Variants in DHX57 observed in about 807,000 individuals in gnomAD.
DHX57 encodes the protein DExH-box helicase 57.
A neutral mutation model predicts 156.2 loss-of-function variants in DHX57; 105 were observed. The ratio of observed to expected loss-of-function variants is 0.67; its 90% CI spans 0.57 to 0.79. The LOEUF (loss-of-function observed/expected upper bound fraction) is 0.79. Among genes scored for constraint, DHX57 ranks in the 30% least tolerant of loss-of-function variants. The pLI is 0.00. For synonymous variants in DHX57, 704 were observed against 595.6 expected (o/e 1.18, Z -2.65); for missense variants, 1,847 against 1,661.9 (o/e 1.11, Z -1.94).
intron 5 of DHX57, among the ~76,000 whole-genome samples, chr2:38,859,587 A>G (rs1276135340): frequency 6.6e-6 from 1 of 152,320 alleles, no homozygotes; most frequent in Admixed American, 6.5e-5. Flanking sequence ...AGTGCATGAC[A>G]CATAATTTTC....
intron 9 of DHX57, among the ~76,000 whole-genome samples, chr2:38,850,967 C>T (rs1327943577): frequency 6.6e-6 from 1 of 151,964 alleles, no homozygotes; most frequent in African/African-American, 2.4e-5. Flanking sequence ...GTTGCGGCTA[C>T]TTGGGAGGCC....
chr2:38,833,887 T>C (rs940701081), intron 13 of DHX57, among the ~76,000 whole-genome samples: 58 of 152,206 alleles, frequency 3.8e-4, no homozygotes, highest in African/African-American at 1.3e-3. Context: ...AAGACATATA[T>C]AGATACTAGC....
At chr2:38,854,954 A>G (rs768784993) in intron 8 of DHX57, 103 bp downstream of exon 8, 1 of 1,037,982 alleles carries the variant, frequency 9.6e-7, no homozygotes, top group Admixed American at 1.9e-5. Context: ...AATAACCTGA[A>G]AGTATATATC....
chr2:38,851,761 G>C (rs546748357), intron 9 of DHX57, among the ~76,000 whole-genome samples: 8 of 152,218 alleles, frequency 5.3e-5, no homozygotes, highest in Non-Finnish European at 1.0e-4. Flanking sequence ...ACTGGATATA[G>C]GTTTCCCTAA....
rs766741871 is a variant in DHX57, at chr2:38,848,404, T to C, written c.2031-2A>G. On this transcript the variant is annotated splice_acceptor_variant, in intron 9 of 23. Coordinates refer to ENST00000457308, the MANE Select transcript of DHX57 (RefSeq NM_198963.3). LOFTEE classifies it high-confidence loss of function. Reference sequence around the variant, plus strand: ...TTCAAAACTAGCAGCAAGAAGTCACTAGAGAAAATAAAAGAAACACCTGAG... The same window carrying C: ...TTCAAAACTAGCAGCAAGAAGTCACCAGAGAAAATAAAAGAAACACCTGAG... 7 of 1,583,922 alleles carry C rather than the reference T, an allele frequency of 4.4e-6. No homozygotes were observed. The highest frequency in any genetic ancestry group is 1.9e-5 in the Admixed American group (1 of 51,684).
intron 11 of DHX57, among the ~76,000 whole-genome samples, chr2:38,843,675 T>G (rs760326974): frequency 2.6e-5 from 4 of 152,186 alleles, no homozygotes; most frequent in Non-Finnish European, 5.9e-5. Flanking sequence ...TACAACTGGA[T>G]AGTTTAATAT....
intron 21 of DHX57, chr2:38,810,286 G>C (rs1311931004): frequency 3.8e-6 from 1 of 263,084 alleles, no homozygotes; most frequent in African/African-American, 2.3e-5. Flanking sequence ...ATTTCAGGGG[G>C]ACCAGGGAAC....
At chr2:38,839,010 C>A (rs902943820) in intron 12 of DHX57, among the ~76,000 whole-genome samples, 8 of 151,918 alleles carry the variant, frequency 5.3e-5, no homozygotes, top group African/African-American at 1.9e-4. Context: ...CGGCTCACTG[C>A]AACCTCCACC....
intron 3 of DHX57, 36 bp downstream of exon 3, chr2:38,863,325 C>A (rs1412576101): frequency 2.5e-6 from 4 of 1,590,144 alleles, no homozygotes; most frequent in Non-Finnish European, 3.4e-6. Context: ...GTATGTTTTC[C>A]TTAATATAAT....
intron 2 of DHX57, among the ~76,000 whole-genome samples, chr2:38,866,636 A>G (rs993497353): frequency 6.6e-6 from 1 of 152,152 alleles, no homozygotes; most frequent in African/African-American, 2.4e-5. Flanking sequence ...CTGCAATTCC[A>G]AGTCCCTAAA....
chr2:38,860,190 C>G (rs1307326554), intron 5 of DHX57, among the ~76,000 whole-genome samples: 1 of 152,114 alleles, frequency 6.6e-6, no homozygotes, highest in Non-Finnish European at 1.5e-5. Context: ...TGGCTCACGC[C>G]TGTAATCCCA....
chr2:38,838,125 G>T (rs533550775), intron 12 of DHX57, among the ~76,000 whole-genome samples, 178 bp from the exon 13 acceptor site: 8 of 152,190 alleles, frequency 5.3e-5, no homozygotes, highest in African/African-American at 1.9e-4. Flanking sequence ...TAGAGACAGG[G>T]TCTTGCTCTG....
chr2:38,844,800 G>A (rs1014107011), intron 11 of DHX57, among the ~76,000 whole-genome samples: 1 of 152,096 alleles, frequency 6.6e-6, no homozygotes, highest in Admixed American at 6.6e-5. Context: ...GTAATAGTAT[G>A]GCATCTTTCA....
chr2:38,803,151 A>T (rs1429391094), intron 22 of DHX57: 2 of 484,392 alleles, frequency 4.1e-6, no homozygotes, highest in Non-Finnish European at 7.3e-6. Flanking sequence ...TATTTTTTAA[A>T]TTTTTTCGTA....
chr2:38,822,152 GGCTCATT>G (rs1251071711), intron 17 of DHX57, among the ~76,000 whole-genome samples: 2 of 151,974 alleles, frequency 1.3e-5, no homozygotes, highest in Admixed American at 6.6e-5. Context: ...TGGCGCGACT[GGCTCATT>G]GCAACCTCTG....
chr2:38,859,934 T>C (rs1673102816), intron 5 of DHX57, among the ~76,000 whole-genome samples: 1 of 151,860 alleles, frequency 6.6e-6, no homozygotes, highest in African/African-American at 2.4e-5. Context: ...CATCAGCCTC[T>C]TGAGTACCTG....
At position 38,854,127 on chromosome 2, in the gene DHX57, G is replaced by A; in HGVS notation, c.1957C>T (p.Leu653=). Residue 653 remains leucine, a synonymous_variant, in exon 9 of 24, where the codon CTA becomes TTA. Coordinates refer to ENST00000457308, the MANE Select transcript of DHX57 (RefSeq NM_198963.3). ...CCTTGTAGAGCTGTATCTCCTTCTAGCCTTCTCAGCAGCACTCCCGTGGTG... is the reference window on the plus strand; with the variant it reads ...CCTTGTAGAGCTGTATCTCCTTCTAACCTTCTCAGCAGCACTCCCGTGGTG... The part of the protein sequence containing the change: ...YCTTGVLLRR[L]EGDTALQGVS... The A allele has an allele frequency of 1.2e-6, 2 of 1,613,886 alleles. No homozygotes were observed. The highest frequency in any genetic ancestry group is 1.7e-4 in the Middle Eastern group (1 of 6,060).
chr2:38,858,885 C>A, intron 5 of DHX57, 49 bp from the exon 6 acceptor site: 1 of 1,549,408 alleles, frequency 6.5e-7, no homozygotes, highest in South Asian at 1.2e-5. Context: ...CTTTCTTTAA[C>A]AAAAGGGGAA....
At chr2:38,800,204 A>C (rs1193231067) in intron 23 of DHX57, among the ~76,000 whole-genome samples, 1 of 150,868 alleles carries the variant, frequency 6.6e-6, no homozygotes, top group South Asian at 2.1e-4. Flanking sequence ...AAAAAAAAAA[A>C]ATAGCCGGGC....
Sources: gnomAD v4.1 joint callset for allele counts (sites outside exome capture counted in the v4.1 genomes callset) on GRCh38, gnomAD v4.1.1 for gene constraint, MANE v1.5 for transcripts, NCBI Gene and HGNC (gene_info 2026-07-23, HGNC 2026-07-21) for gene names.